RBMS1: variants seen among roughly 807,000 people sequenced by gnomAD.
RBMS1 encodes RNA-binding motif, single-stranded-interacting protein 1.
Under a neutral mutation model 62.3 loss-of-function variants are expected in RBMS1, and 17 were observed. That is an observed-to-expected ratio of 0.27 (90% CI 0.19 to 0.41). The LOEUF (loss-of-function observed/expected upper bound fraction) is 0.41, where lower values mean the gene tolerates loss of function less well. RBMS1 is among the 10% of genes least tolerant of loss of function. The pLI, the probability that RBMS1 is intolerant of heterozygous loss-of-function variation, is 1.00. For synonymous variants in RBMS1, 172 were observed against 170.0 expected (o/e 1.01, Z -0.09); for missense variants, 334 against 504.5 (o/e 0.66, Z 3.24).
chr2:160,448,267 G>C (rs1683750453), intron 1 of RBMS1, among the ~76,000 whole-genome samples: 1 of 151,852 alleles, frequency 6.6e-6, no homozygotes, highest in Non-Finnish European at 1.5e-5. Flanking sequence ...TTGGGGATTT[G>C]AAAACCATTA....
At chr2:160,408,096 C>A (rs1176826374) in intron 1 of RBMS1, among the ~76,000 whole-genome samples, 1 of 151,450 alleles carries the variant, frequency 6.6e-6, no homozygotes, top group East Asian at 2.0e-4. Flanking sequence ...CCGGCGCCCC[C>A]GCTCTGGTGC....
intron 3 of RBMS1, among the ~76,000 whole-genome samples, chr2:160,316,158 A>G (rs1690209362): frequency 6.6e-6 from 1 of 152,148 alleles, no homozygotes; most frequent in African/African-American, 2.4e-5. Flanking sequence ...CTTGGGTAAC[A>G]TGTTATCTAA....
chr2:160,426,222 A>C (rs1287371103), intron 1 of RBMS1, among the ~76,000 whole-genome samples: 1 of 61,524 alleles, frequency 1.6e-5, no homozygotes, highest in African/African-American at 7.0e-5. Flanking sequence ...GAGACAGAAG[A>C]AAGAAAGAAA....
chr2:160,338,839 AG>A (rs1691715661), intron 2 of RBMS1, among the ~76,000 whole-genome samples: 1 of 152,356 alleles, frequency 6.6e-6, no homozygotes, highest in East Asian at 1.9e-4. Context: ...CTCAATAGGC[AG>A]AAGAGGAGAG....
At chr2:160,460,061 C>T (rs1279595065) in intron 1 of RBMS1, among the ~76,000 whole-genome samples, 1 of 152,148 alleles carries the variant, frequency 6.6e-6, no homozygotes, top group African/African-American at 2.4e-5. Flanking sequence ...ACCTCTGGGC[C>T]CACAGAAGGC....
At chr2:160,382,790 T>G (rs1694342616) in intron 1 of RBMS1, among the ~76,000 whole-genome samples, 1 of 152,318 alleles carries the variant, frequency 6.6e-6, no homozygotes, top group South Asian at 2.1e-4. Flanking sequence ...TTTGATAAAA[T>G]TCTTTCAGAA....
Position 160,303,458 on chromosome 2 carries a change from G to A in RBMS1, c.432C>T (p.Tyr144=). The change falls in exon 5 of 14, where the codon TAC becomes TAT. Residue 144 remains tyrosine, a synonymous_variant. Coordinates refer to ENST00000348849, the MANE Select transcript of RBMS1 (RefSeq NM_016836.4). ...CCATGGAGAGTGGCAAATTAGAAAT[G>A]TAGAGGTTGGTAGGATCTTGTTCCT... is the stretch of plus-strand genomic sequence containing the variant. ...KQQEQDPTNL[Y]ISNLPLSMDE... 1 of 1,611,672 alleles carries A rather than the reference G, an allele frequency of 6.2e-7. No individual in the cohort carries two copies. The highest frequency in any genetic ancestry group is 1.1e-5 in the South Asian group (1 of 90,570).
chr2:160,431,442 G>C (rs1055261365), intron 1 of RBMS1, among the ~76,000 whole-genome samples: 4 of 151,988 alleles, frequency 2.6e-5, no homozygotes, highest in Non-Finnish European at 5.9e-5. Context: ...AGAACAATAA[G>C]TATAAATGTT....
intron 4 of RBMS1, among the ~76,000 whole-genome samples, chr2:160,311,991 T>C (rs1359131972): frequency 6.6e-6 from 1 of 152,230 alleles, no homozygotes; most frequent in Non-Finnish European, 1.5e-5. Context: ...TATTATAGAA[T>C]GTAAGCACTT....
intron 4 of RBMS1, among the ~76,000 whole-genome samples, chr2:160,305,703 G>A (rs1461482500): frequency 1.3e-5 from 2 of 152,120 alleles, no homozygotes; most frequent in African/African-American, 4.8e-5. Flanking sequence ...CATGGAAGCA[G>A]GGGAATGATA....
intron 1 of RBMS1, chr2:160,407,953 C>A: frequency 1.0e-6 from 1 of 978,048 alleles, no homozygotes; most frequent in Non-Finnish European, 1.2e-6. Context: ...CGCCTCGCGC[C>A]GCGCCCAGGC....
At chr2:160,324,897 TATATATATATACACACAC>T (rs1323806880) in intron 2 of RBMS1, among the ~76,000 whole-genome samples, 5 of 118,956 alleles carry the variant, frequency 4.2e-5, no homozygotes, top group African/African-American at 1.7e-4. Context: ...TATATATATA[TATATATATATACACACAC>T]ACACACACAC....
intron 1 of RBMS1, among the ~76,000 whole-genome samples, chr2:160,477,656 G>A (rs1273908849): frequency 6.6e-6 from 1 of 152,054 alleles, no homozygotes; most frequent in Non-Finnish European, 1.5e-5. Flanking sequence ...TTTGATGAAA[G>A]GTACTAAAAC....
intron 1 of RBMS1, among the ~76,000 whole-genome samples, chr2:160,473,495 T>A (rs1198709620): frequency 6.6e-6 from 1 of 152,170 alleles, no homozygotes; most frequent in Non-Finnish European, 1.5e-5. Flanking sequence ...TTCTGTGCTA[T>A]GATTAAGGAG....
At chr2:160,384,230 T>C (rs952135650) in intron 1 of RBMS1, among the ~76,000 whole-genome samples, 6 of 152,154 alleles carry the variant, frequency 3.9e-5, no homozygotes, top group Non-Finnish European at 7.4e-5. Flanking sequence ...AAACTTTAAA[T>C]GTCATTTTTT....
At chr2:160,426,514 TTTAG>T (rs1211368122) in intron 1 of RBMS1, among the ~76,000 whole-genome samples, 1 of 152,236 alleles carries the variant, frequency 6.6e-6, no homozygotes, top group Non-Finnish European at 1.5e-5. Context: ...ATGTTTATAT[TTTAG>T]TGTCTCTGAA....
At chr2:160,351,671 G>A (rs759589340) in intron 2 of RBMS1, among the ~76,000 whole-genome samples, 5 of 152,130 alleles carry the variant, frequency 3.3e-5, no homozygotes, top group Non-Finnish European at 7.4e-5. Context: ...GACAGTCCAG[G>A]AAACTGTTGT....
intron 3 of RBMS1, among the ~76,000 whole-genome samples, chr2:160,315,847 T>C (rs1025024816): frequency 6.6e-6 from 1 of 152,218 alleles, no homozygotes; most frequent in African/African-American, 2.4e-5. Context: ...AACTGAATTG[T>C]GAATTTTAAA....
chr2:160,429,863 C>T (rs937157230), intron 1 of RBMS1, among the ~76,000 whole-genome samples: 1 of 152,222 alleles, frequency 6.6e-6, no homozygotes, highest in Non-Finnish European at 1.5e-5. Context: ...CCTGTTTCAC[C>T]TCTCCTTGCC....
Sources: gnomAD v4.1 joint callset for allele counts (sites outside exome capture counted in the v4.1 genomes callset) on GRCh38, gnomAD v4.1.1 for gene constraint, MANE v1.5 for transcripts, NCBI Gene and HGNC (gene_info 2026-07-23, HGNC 2026-07-21) for gene names.